The following MAPKAP1 variants were observed in gnomAD, a reference collection of about 807,000 sequenced individuals.
MAPKAP1 encodes target of rapamycin complex 2 subunit MAPKAP1.
In MAPKAP1, 20 loss-of-function variants were observed where a neutral mutation model predicts 65.7. The observed-to-expected ratio is 0.30, with a 90% CI of 0.21 to 0.44. The LOEUF (loss-of-function observed/expected upper bound fraction) is 0.44, where lower values mean the gene tolerates loss of function less well. Among genes scored for constraint, MAPKAP1 ranks in the 20% least tolerant of loss-of-function variants. The pLI is 1.00. For synonymous variants in MAPKAP1, 222 were observed against 244.3 expected (o/e 0.91, Z 0.85); for missense variants, 423 against 648.0 (o/e 0.65, Z 3.77).
chr9:125,477,492 G>A (rs914757723), intron 9 of MAPKAP1, among the ~76,000 whole-genome samples: 1 of 152,318 alleles, frequency 6.6e-6, no homozygotes, highest in East Asian at 1.9e-4. Flanking sequence ...GAGCCAGCAG[G>A]CCTGGGATGA....
chr9:125,555,710 CTG>C (rs1278541062), intron 6 of MAPKAP1, among the ~76,000 whole-genome samples: 1 of 152,368 alleles, frequency 6.6e-6, no homozygotes, highest in East Asian at 1.9e-4. Context: ...GACAATAAGA[CTG>C]TGCCTTCCTA....
intron 8 of MAPKAP1, among the ~76,000 whole-genome samples, chr9:125,499,649 G>A (rs1828911253): frequency 6.6e-6 from 1 of 152,148 alleles, no homozygotes; most frequent in South Asian, 2.1e-4. Flanking sequence ...AGATTTCAAG[G>A]CTTTATTCAC....
At chr9:125,554,826 T>C (rs1830691836) in intron 6 of MAPKAP1, among the ~76,000 whole-genome samples, 1 of 148,550 alleles carries the variant, frequency 6.7e-6, no homozygotes, top group African/African-American at 2.5e-5. Context: ...AAGCATTTTC[T>C]AGTAAAGAAC....
At chr9:125,601,929 A>G (rs1475703648) in intron 4 of MAPKAP1, among the ~76,000 whole-genome samples, 1 of 152,216 alleles carries the variant, frequency 6.6e-6, no homozygotes, top group Non-Finnish European at 1.5e-5. Context: ...CAAAGAGCCA[A>G]TTGAGAAAGT....
rs567804847 is a variant in MAPKAP1, at chr9:125,570,974, G to A, written c.672-11165C>T. Among the ~76,000 whole-genome samples, 13 of 151,742 alleles carry A rather than the reference G, an allele frequency of 8.6e-5. No individual in the cohort carries two copies. In the East Asian group the frequency reaches 1.4e-3, roughly 16 times the overall value. Reference sequence around the variant, plus strand: ...AAGGTTTATAAGAATCTTAACTTACGGTTAAACATTAAAATTCAGTAAATA... The same window carrying A: ...AAGGTTTATAAGAATCTTAACTTACAGTTAAACATTAAAATTCAGTAAATA... On this transcript the variant is annotated intron_variant, in intron 5 of 11. Transcript: ENST00000265960.
chr9:125,452,791 G>A (rs1311846315), intron 10 of MAPKAP1, among the ~76,000 whole-genome samples: 1 of 151,976 alleles, frequency 6.6e-6, no homozygotes, highest in Admixed American at 6.6e-5. Context: ...GGAGGCTGAG[G>A]CACGAGAATT....
At chr9:125,584,402 A>G (rs1043359540) in intron 5 of MAPKAP1, among the ~76,000 whole-genome samples, 1 of 152,228 alleles carries the variant, frequency 6.6e-6, no homozygotes, top group African/African-American at 2.4e-5. Context: ...ACTGGATCAT[A>G]CTAACTCTGA....
intron 4 of MAPKAP1, among the ~76,000 whole-genome samples, chr9:125,618,682 C>T (rs761760737): frequency 2.0e-5 from 3 of 152,000 alleles, no homozygotes; most frequent in Non-Finnish European, 4.4e-5. Context: ...TGTGCAGTGG[C>T]GTGTATACAC....
chr9:125,542,919 C>T (rs1223835330), intron 7 of MAPKAP1, 140 bp downstream of exon 7: 1 of 779,708 alleles, frequency 1.3e-6, no homozygotes, highest in Non-Finnish European at 2.4e-6. Flanking sequence ...ATCACCTTTT[C>T]TTGCATAGAT....
intron 5 of MAPKAP1, chr9:125,568,035 G>C (rs977845704): frequency 6.6e-6 from 1 of 152,276 alleles, no homozygotes; most frequent in Non-Finnish European, 1.5e-5. Flanking sequence ...GATTGGTAAA[G>C]AATGAGACTG....
At chr9:125,698,652 A>C (rs934045567) in intron 1 of MAPKAP1, among the ~76,000 whole-genome samples, 5 of 151,930 alleles carry the variant, frequency 3.3e-5, no homozygotes, top group Admixed American at 6.6e-5. Context: ...CGGTAGCTCT[A>C]TATTTTTATT....
intron 5 of MAPKAP1, among the ~76,000 whole-genome samples, chr9:125,571,972 A>ATCC (rs1252842780): frequency 6.6e-6 from 1 of 152,194 alleles, no homozygotes; most frequent in Admixed American, 6.5e-5. Flanking sequence ...AGTAAAGTAT[A>ATCC]CTCCTGTAAA....
At chr9:125,513,007 A>G (rs575125360) in intron 7 of MAPKAP1, 136 of 152,360 alleles carry the variant, frequency 8.9e-4, no homozygotes, top group Middle Eastern at 3.4e-3. Flanking sequence ...CGTTTCCAAC[A>G]TGGGCCGGTT....
At chr9:125,706,222 C>G (rs1835754029) in intron 1 of MAPKAP1, among the ~76,000 whole-genome samples, 1 of 151,990 alleles carries the variant, frequency 6.6e-6, no homozygotes, top group Non-Finnish European at 1.5e-5. Context: ...TCCACCTCTC[C>G]TGCTTGTCAG....
At chr9:125,543,444 T>A (rs1830318245) in intron 6 of MAPKAP1, among the ~76,000 whole-genome samples, 1 of 144,484 alleles carries the variant, frequency 6.9e-6, no homozygotes, top group Non-Finnish European at 1.5e-5. Flanking sequence ...TTTTTTGTAT[T>A]TTTTTTTTTT....
intron 4 of MAPKAP1, among the ~76,000 whole-genome samples, chr9:125,613,911 C>T (rs1299735315): frequency 6.6e-6 from 1 of 152,100 alleles, no homozygotes; most frequent in East Asian, 1.9e-4. Context: ...CATTCTCCTG[C>T]CTCATCCTCC....
At chr9:125,685,031 C>A (rs1274421739) in intron 1 of MAPKAP1, among the ~76,000 whole-genome samples, 2 of 152,166 alleles carry the variant, frequency 1.3e-5, no homozygotes, top group African/African-American at 4.8e-5. Flanking sequence ...AAATAATTAA[C>A]CCAGCACACT....
At chr9:125,496,390 A>G (rs1481013156) in intron 8 of MAPKAP1, among the ~76,000 whole-genome samples, 1 of 152,260 alleles carries the variant, frequency 6.6e-6, no homozygotes, top group Non-Finnish European at 1.5e-5. Context: ...TTCAGCAATA[A>G]CAACCTAAAA....
chr9:125,552,464 C>T (rs563301003), intron 6 of MAPKAP1, among the ~76,000 whole-genome samples: 31 of 152,286 alleles, frequency 2.0e-4, no homozygotes, highest in African/African-American at 4.3e-4. Flanking sequence ...ATATAATTCA[C>T]AACCTTTGCA....
Sources: gnomAD v4.1 joint callset for allele counts (sites outside exome capture counted in the v4.1 genomes callset) on GRCh38, gnomAD v4.1.1 for gene constraint, MANE v1.5 for transcripts, NCBI Gene and HGNC (gene_info 2026-07-23, HGNC 2026-07-21) for gene names.